Variants in MSH3 observed in about 807,000 individuals in gnomAD.
The protein encoded by MSH3 is mutS homolog 3, also known as DNA mismatch repair protein Msh3.
Under a neutral mutation model 123.3 loss-of-function variants are expected in MSH3, and 106 were observed. The observed-to-expected ratio is 0.86, with a 90% CI of 0.73 to 1.01. MSH3 has a LOEUF of 1.01. Ranked by LOEUF, MSH3 falls within the 50% of genes least tolerant of loss-of-function variation. The pLI, the probability that MSH3 is intolerant of heterozygous loss-of-function variation, is 0.00. For missense variants in MSH3, 1,459 were observed against 1,347.6 expected (o/e 1.08, Z -1.29); for synonymous variants, 515 against 481.4 (o/e 1.07, Z -0.91).
intron 20 of MSH3, among the ~76,000 whole-genome samples, chr5:80,852,278 T>C (rs1489874931): frequency 6.6e-6 from 1 of 152,160 alleles, no homozygotes; most frequent in African/African-American, 2.4e-5. Context: ...TGAGCTGTTA[T>C]CACTGCCACT....
chr5:80,744,547 C>T lies in MSH3; in HGVS notation c.1695C>T (p.Asp565=), dbSNP rs1743679783. 1 of 1,613,808 alleles carries T rather than the reference C, an allele frequency of 6.2e-7. No individual in the cohort carries two copies. The highest frequency in any genetic ancestry group is 8.5e-7 in the Non-Finnish European group (1 of 1,179,882). Residue 565 remains aspartate (D), a synonymous_variant, in exon 12 of 24, where the codon GAC becomes GAT. Coordinates refer to ENST00000265081, the MANE Select transcript of MSH3 (RefSeq NM_002439.5). ...AAGGAAGTTTGCTGTGGGTTTTAGACCACACTAAAACTTCATTTGGGAGAC... is the reference window on the plus strand; with the variant it reads ...AAGGAAGTTTGCTGTGGGTTTTAGATCACACTAAAACTTCATTTGGGAGAC... The part of the protein sequence containing the change: ...KTKGSLLWVL[D]HTKTSFGRRK...
chr5:80,811,863 CAG>C (rs1455217826), intron 19 of MSH3, among the ~76,000 whole-genome samples: 1 of 152,040 alleles, frequency 6.6e-6, no homozygotes, highest in African/African-American at 2.4e-5. Flanking sequence ...TGTTTTATGA[CAG>C]GCTTATTTTT....
At chr5:80,768,723 C>A in intron 14 of MSH3, 112 bp from the exon 15 acceptor site, 1 of 932,182 alleles carries the variant, frequency 1.1e-6, no homozygotes, top group Non-Finnish European at 1.7e-6. Flanking sequence ...CAATTGGAAC[C>A]ACATTTTTCT....
At chr5:80,870,174 CA>C (rs745491509) in intron 22 of MSH3, among the ~76,000 whole-genome samples, 2,810 of 105,800 alleles carry the variant, frequency 0.027, 85 homozygotes, top group African/African-American at 0.092. Context: ...AACTCCGTCT[CA>C]AAAAAAAAAA....
At chr5:80,763,461 G>A (rs907341342) in intron 13 of MSH3, among the ~76,000 whole-genome samples, 1 of 152,174 alleles carries the variant, frequency 6.6e-6, no homozygotes, top group Non-Finnish European at 1.5e-5. Flanking sequence ...GCTGATAGTC[G>A]CAAGTTTTAT....
Position 80,876,068 on chromosome 5 carries a change from T to C in MSH3, c.*206T>C. ...TAACTTTTCTACGTATAAACACTCT[T>C]GAATAGACTTCCACTTTGTAATTAG... On this transcript the variant is annotated 3_prime_UTR_variant, in exon 24 of 24. Transcript: ENST00000265081. The C allele has an allele frequency of 1.8e-6, 1 of 552,696 alleles. No individual in the cohort carries two copies. The highest frequency in any genetic ancestry group is 3.0e-5 in the East Asian group (1 of 33,568). The allele number at this position is 552,696 out of a possible 1,614,324, so 34.2% of individuals were successfully genotyped here.
At chr5:80,660,955 C>T (rs767046907) in intron 2 of MSH3, among the ~76,000 whole-genome samples, 5 of 152,014 alleles carry the variant, frequency 3.3e-5, no homozygotes, top group Admixed American at 6.6e-5. Context: ...CTCGCCACCA[C>T]GCCTGGTTAA....
chr5:80,775,653 G>A, intron 15 of MSH3, 41 bp from the exon 16 acceptor site: 1 of 1,125,080 alleles, frequency 8.9e-7, no homozygotes, highest in Non-Finnish European at 1.3e-6. Flanking sequence ...AATATATAAT[G>A]GTTACTTATC....
At chr5:80,731,812 A>G (rs897478415) in intron 10 of MSH3, among the ~76,000 whole-genome samples, 1 of 152,194 alleles carries the variant, frequency 6.6e-6, no homozygotes, top group African/African-American at 2.4e-5. Context: ...CTTGTAGATG[A>G]AAAATTCAGT....
intron 20 of MSH3, among the ~76,000 whole-genome samples, chr5:80,841,276 T>G (rs1390126021): frequency 6.6e-6 from 1 of 152,244 alleles, no homozygotes; most frequent in Non-Finnish European, 1.5e-5. Flanking sequence ...GGTGTATATG[T>G]GCCATATTTT....
rs372442835 is a variant in MSH3 at position 80,654,758 on chromosome 5, C to A, written c.31C>A (p.Leu11Ile). The change falls in exon 1 of 24, where the codon CTC becomes ATC. Residue 11 changes from leucine to isoleucine, a missense_variant. Leu to Ile is a conservative substitution (Grantham distance 5, BLOSUM62 2). Transcript: ENST00000265081. ...TCGCCGGAAGCCTGCGTCGGGCGGC[C>A]TCGCTGCCTCCAGCTCAGCCCCTGC... is the stretch of plus-strand genomic sequence containing the variant. MSRRKPASGG[L>I]AASSSAPARQ... 6.2e-7 allele frequency: 1 copy of A among 1,603,486 alleles called. No individual in the cohort carries two copies. Among genetic ancestry groups the A allele is most frequent in the Admixed American group, 1.7e-5 (1 of 59,148 alleles).
intron 20 of MSH3, among the ~76,000 whole-genome samples, chr5:80,827,225 C>T (rs952535707): frequency 1.3e-5 from 2 of 152,130 alleles, no homozygotes; most frequent in Admixed American, 1.3e-4. Flanking sequence ...TTCTATTAAA[C>T]GTTGGTGATT....
chr5:80,855,873 C>CTTTTTTTTTTTTT (rs5869058), intron 21 of MSH3: 2 of 107,136 alleles, frequency 1.9e-5, no homozygotes, highest in African/African-American at 3.6e-5. Flanking sequence ...TCCTCCTCCT[C>CTTTTTTTTTTTTT]TTTTTTTTTT....
At chr5:80,843,680 G>C (rs1160026488) in intron 20 of MSH3, among the ~76,000 whole-genome samples, 3 of 152,272 alleles carry the variant, frequency 2.0e-5, no homozygotes, top group Non-Finnish European at 4.4e-5. Context: ...AGATTTTCTA[G>C]TGTATTTGCA....
Position 80,664,713 on chromosome 5 carries a change from A to G in MSH3, c.359-430A>G, listed in dbSNP as rs1219165875. Among the ~76,000 whole-genome samples the G allele has an allele frequency of 4.6e-5, 7 of 152,056 alleles. No homozygotes were observed. The East Asian group carries it at 9.6e-4, about 21-fold the overall frequency. On this transcript the variant is annotated intron_variant, in intron 2 of 23. Coordinates refer to ENST00000265081, the MANE Select transcript of MSH3 (RefSeq NM_002439.5). ...ACTCTAATTCCTGAGTCTTTTGAGC[A>G]TTTTGTGTTGTAATTAGAGTTGGCT...
chr5:80,854,732 C>T (rs987491693), intron 21 of MSH3, among the ~76,000 whole-genome samples: 3 of 152,096 alleles, frequency 2.0e-5, no homozygotes, highest in African/African-American at 7.2e-5. Context: ...ACAGATTGAC[C>T]CTAAATAATG....
chr5:80,673,990 C>T (rs1283361818), intron 6 of MSH3, among the ~76,000 whole-genome samples: 1 of 152,158 alleles, frequency 6.6e-6, no homozygotes, highest in African/African-American at 2.4e-5. Context: ...GCTTATTTCT[C>T]AGCTCATCTA....
At chr5:80,669,843 T>A (rs977171239) in intron 3 of MSH3, among the ~76,000 whole-genome samples, 5 of 152,244 alleles carry the variant, frequency 3.3e-5, no homozygotes, top group Admixed American at 2.0e-4. Context: ...TGTAAAACAT[T>A]AAGATATTTA....
At chr5:80,830,981 G>A (rs1172956178) in intron 20 of MSH3, among the ~76,000 whole-genome samples, 2 of 152,162 alleles carry the variant, frequency 1.3e-5, no homozygotes, top group Non-Finnish European at 2.9e-5. Context: ...AGGATTATAT[G>A]AGAGAAACTT....
Sources: gnomAD v4.1 joint callset for allele counts (sites outside exome capture counted in the v4.1 genomes callset) on GRCh38, gnomAD v4.1.1 for gene constraint, MANE v1.5 for transcripts, NCBI Gene and HGNC (gene_info 2026-07-23, HGNC 2026-07-21) for gene names.